The following DOCK2 variants were observed in gnomAD, a reference collection of about 807,000 sequenced individuals.
The protein encoded by DOCK2 is dedicator of cytokinesis protein 2.
DOCK2 carries 87 observed loss-of-function variants against 248.9 expected under a neutral mutation model. That is an observed-to-expected ratio of 0.35 (90% confidence interval 0.29 to 0.42). The LOEUF is 0.42. Ranked by LOEUF, DOCK2 falls within the 10% of genes least tolerant of loss-of-function variation. The probability of loss-of-function intolerance (pLI) is 1.00; values close to 1 mark genes in which losing one functional copy is unlikely to be tolerated. For missense variants in DOCK2, 1,747 were observed against 2,300.2 expected (o/e 0.76, Z 4.92); for synonymous variants, 805 against 821.6 (o/e 0.98, Z 0.35).
intron 27 of DOCK2, among the ~76,000 whole-genome samples, chr5:169,894,012 A>G (rs1773447116): frequency 6.6e-6 from 1 of 152,240 alleles, no homozygotes; most frequent in Non-Finnish European, 1.5e-5. Context: ...CCTATGCTCC[A>G]GTATAGACCA....
At chr5:169,981,421 A>C (rs1258826079) in intron 27 of DOCK2, among the ~76,000 whole-genome samples, 2 of 152,190 alleles carry the variant, frequency 1.3e-5, no homozygotes, top group Non-Finnish European at 2.9e-5. Context: ...CCCTGCATTG[A>C]GCAAGTCTCT....
chr5:169,664,737 C>G (rs978239554), intron 2 of DOCK2, among the ~76,000 whole-genome samples: 3 of 152,090 alleles, frequency 2.0e-5, no homozygotes, highest in African/African-American at 7.2e-5. Flanking sequence ...GGGAAATCAC[C>G]CCTATGATCC....
chr5:169,831,560 C>T (rs1769229750), intron 26 of DOCK2, among the ~76,000 whole-genome samples: 1 of 152,194 alleles, frequency 6.6e-6, no homozygotes, highest in Admixed American at 6.5e-5. Context: ...CAAGCCTGGA[C>T]TTGAGTCAGG....
chr5:170,005,831 G>A (rs1183485004), intron 30 of DOCK2, among the ~76,000 whole-genome samples: 2 of 152,136 alleles, frequency 1.3e-5, no homozygotes, highest in Non-Finnish European at 2.9e-5. Flanking sequence ...ATACTGGCAA[G>A]AGGCTCAACC....
intron 9 of DOCK2, 107 bp downstream of exon 9, chr5:169,689,440 G>A (rs1251022077): frequency 1.7e-6 from 2 of 1,167,762 alleles, no homozygotes; most frequent in East Asian, 4.9e-5. Flanking sequence ...GTCCTGCAGA[G>A]CTGTGTTGTG....
chr5:170,027,432 C>T (rs971564863), intron 33 of DOCK2, among the ~76,000 whole-genome samples: 3 of 152,166 alleles, frequency 2.0e-5, no homozygotes, highest in Non-Finnish European at 4.4e-5. Flanking sequence ...ACATGGCATT[C>T]CCTGAAGATT....
chr5:169,847,463 G>A (rs1770382397), intron 27 of DOCK2, among the ~76,000 whole-genome samples: 1 of 152,074 alleles, frequency 6.6e-6, no homozygotes. Flanking sequence ...TGATAATTTA[G>A]ATAGAATATT....
chr5:169,991,668 G>A (rs58275528), intron 29 of DOCK2, among the ~76,000 whole-genome samples: 16 of 152,306 alleles, frequency 1.1e-4, no homozygotes, highest in African/African-American at 3.4e-4. Context: ...AGAATGATGC[G>A]GACAAAGTGC....
chr5:169,831,289 C>T (rs1191381182), intron 26 of DOCK2, among the ~76,000 whole-genome samples: 1 of 151,946 alleles, frequency 6.6e-6, no homozygotes, highest in Non-Finnish European at 1.5e-5. Context: ...GGATATTTTT[C>T]CAGGTCAAGA....
chr5:170,022,409 G>C (rs1755761323), intron 33 of DOCK2, among the ~76,000 whole-genome samples: 1 of 152,086 alleles, frequency 6.6e-6, no homozygotes, highest in African/African-American at 2.4e-5. Context: ...CTCTGTGCCA[G>C]ATTTCCCTGT....
chr5:169,851,013 G>A (rs561048467), intron 27 of DOCK2, among the ~76,000 whole-genome samples: 1 of 152,280 alleles, frequency 6.6e-6, no homozygotes, highest in East Asian at 1.9e-4. Flanking sequence ...ACATGTATTG[G>A]AATTTTCTCT....
In DOCK2 at chr5:169,714,105, G is replaced by T; in HGVS notation, c.1737G>T (p.Gly579=). The change falls in exon 18 of 52, where the codon GGG becomes GGT. Residue 579 remains glycine (G), a synonymous_variant. Coordinates refer to ENST00000520908, the MANE Select transcript of DOCK2 (RefSeq NM_004946.3). ...ATCGACACCATGTGGAAAACAAGGG[G>T]GCCACGCTGAGCAGGAGCTCCAGCA... ...PSYRHHVENK[G]ATLSRSSSSV... 1 of 1,613,782 alleles carries T rather than the reference G, an allele frequency of 6.2e-7. No individual in the cohort carries two copies. The highest frequency in any genetic ancestry group is 8.5e-7 in the Non-Finnish European group (1 of 1,179,838).
chr5:169,959,233 A>C (rs774515976), intron 27 of DOCK2, among the ~76,000 whole-genome samples: 1 of 152,106 alleles, frequency 6.6e-6, no homozygotes, highest in Non-Finnish European at 1.5e-5. Context: ...TGTACTAAAA[A>C]TACAAAAAAA....
chr5:169,742,182 T>G (rs1053954421), intron 22 of DOCK2, among the ~76,000 whole-genome samples: 1 of 152,114 alleles, frequency 6.6e-6, no homozygotes, highest in Non-Finnish European at 1.5e-5. Context: ...ATGGTAGTTG[T>G]CTTTATGAAA....
chr5:169,717,030 A>G (rs947179784), intron 20 of DOCK2, among the ~76,000 whole-genome samples: 1 of 152,200 alleles, frequency 6.6e-6, no homozygotes, highest in African/African-American at 2.4e-5. Context: ...ATATACTTTG[A>G]TTAATTAATT....
Position 170,050,389 on chromosome 5 carries a change from C to T in DOCK2, c.4205C>T (p.Pro1402Leu). 6.2e-7 allele frequency: 1 copy of T among 1,613,864 alleles called. No individual in the cohort carries two copies. The highest frequency in any genetic ancestry group is 1.1e-5 in the South Asian group (1 of 91,046). Residue 1402 changes from proline to leucine, a missense_variant, in exon 41 of 52, where the codon CCA becomes CTA. By Grantham distance (98) the Pro-to-Leu change is moderately conservative. Around this residue, in one of 4 missense-constraint regions of DOCK2, gnomAD observed 513 missense variants for 586.1 expected, o/e 0.88. Coordinates refer to ENST00000520908, the MANE Select transcript of DOCK2 (RefSeq NM_004946.3). ...SAPGDDVKNA[P>L]GQYIQCFTVQ... ...CCGGGAGATGATGTGAAGAATGCCC[C>T]AGGCCAGTGTATCCTTGGAGAATGC...
intron 26 of DOCK2, among the ~76,000 whole-genome samples, chr5:169,804,704 T>C (rs1767245036): frequency 6.6e-6 from 1 of 152,178 alleles, no homozygotes. Context: ...CTGAAATTCA[T>C]AGACTTCATT....
intron 2 of DOCK2, 86 bp from the exon 3 acceptor site, chr5:169,669,202 T>TAAA: frequency 3.7e-6 from 4 of 1,081,732 alleles, no homozygotes; most frequent in African/African-American, 1.5e-5. Context: ...TTTTACTAGT[T>TAAA]TAAAACAAAA....
At chr5:169,967,763 C>T (rs975891302) in intron 27 of DOCK2, among the ~76,000 whole-genome samples, 3 of 152,036 alleles carry the variant, frequency 2.0e-5, no homozygotes, top group Non-Finnish European at 2.9e-5. Flanking sequence ...ATGATGGTAG[C>T]GTCAATCAGT....
Sources: gnomAD v4.1 joint callset for allele counts (sites outside exome capture counted in the v4.1 genomes callset) on GRCh38, gnomAD v4.1.1 for gene constraint, gnomAD v4.1.1 regional missense constraint, MANE v1.5 for transcripts, NCBI Gene and HGNC (gene_info 2026-07-23, HGNC 2026-07-21) for gene names.